PPP2R2C: variants seen among roughly 807,000 people sequenced by gnomAD.
The protein encoded by PPP2R2C is protein phosphatase 2 regulatory subunit Bgamma.
Under a neutral mutation model 45.3 loss-of-function variants are expected in PPP2R2C, and 10 were observed. That is an observed-to-expected ratio of 0.22 (90% CI 0.14 to 0.37). PPP2R2C has a LOEUF of 0.37. Ranked by LOEUF, PPP2R2C falls within the 10% of genes least tolerant of loss-of-function variation. The pLI is 1.00. For synonymous variants in PPP2R2C, 257 were observed against 245.4 expected, an observed-to-expected ratio of 1.05 and a Z score of -0.44; for missense variants, 308 against 619.7, an observed-to-expected ratio of 0.50 and a Z score of 5.34.
chr4:6,473,905 C>A (rs937724254), upstream of PPP2R2C, among the ~76,000 whole-genome samples: 1 of 152,188 alleles, frequency 6.6e-6, no homozygotes, highest in African/African-American at 2.4e-5. Flanking sequence ...GCCCCACCAG[C>A]ACTCTGCAGG....
rs967722967 is a variant in PPP2R2C at position 6,347,205 on chromosome 4, G to A, written c.790+641C>T. Among the ~76,000 whole-genome samples, 15 of 152,326 alleles carry A rather than the reference G, an allele frequency of 9.8e-5. No individual in the cohort carries two copies. The East Asian group carries it at 2.1e-3, about 22-fold the overall frequency. On this transcript the variant is annotated intron_variant, in intron 6 of 8. Transcript: ENST00000382599. ...TCTCCTGGGGCTTGTGTGAAGATTC[G>A]ATGAGTTCACAGGTAAAGCCCTTGG...
At chr4:6,495,415 A>G (rs753750586) in intron 2 of PPP2R2C, among the ~76,000 whole-genome samples, 2 of 152,242 alleles carry the variant, frequency 1.3e-5, no homozygotes, top group Non-Finnish European at 2.9e-5. Flanking sequence ...TGCCTGGCAC[A>G]GTACCTGGCA....
chr4:6,483,860 G>T (rs1020225637), intron 2 of PPP2R2C, among the ~76,000 whole-genome samples: 29 of 152,060 alleles, frequency 1.9e-4, no homozygotes, highest in African/African-American at 7.0e-4. Flanking sequence ...CTAACTGAAG[G>T]TCACAAAGGT....
At chr4:6,549,435 G>C (rs1725106769) in intron 1 of PPP2R2C, among the ~76,000 whole-genome samples, 1 of 152,188 alleles carries the variant, frequency 6.6e-6, no homozygotes, top group Non-Finnish European at 1.5e-5. Context: ...TTTTCAGCTG[G>C]GACCTGAATA....
chr4:6,538,354 G>A (rs981409935), intron 1 of PPP2R2C, among the ~76,000 whole-genome samples: 4 of 151,984 alleles, frequency 2.6e-5, no homozygotes, highest in Admixed American at 1.3e-4. Context: ...AGAGGTGCCC[G>A]CCGCCCATCT....
intron 2 of PPP2R2C, among the ~76,000 whole-genome samples, chr4:6,532,316 G>C (rs1724431354): frequency 6.6e-6 from 1 of 152,238 alleles, no homozygotes. Flanking sequence ...AGCAAAGTCA[G>C]AGCTGGAGAG....
In PPP2R2C at chr4:6,351,228, C is replaced by T. The variant is rs889103205; in HGVS notation, c.626-3218G>A. The T allele has an allele frequency of 2.7e-5, 13 of 479,058 alleles. No individual in the cohort carries two copies. The Admixed American group carries it at 5.8e-4, about 21-fold the overall frequency. The allele number at this position is 479,058 out of a possible 1,614,324, so 29.7% of individuals were successfully genotyped here. On this transcript the variant is annotated intron_variant, in intron 5 of 8. Coordinates refer to ENST00000382599, the MANE Select transcript of PPP2R2C (RefSeq NM_020416.4). ...ACTTGGGAGGCTGAGGCAGGAGAATCGCTTGACTGGGGAGGCAGAGGTTGC... is the reference window on the plus strand; with the variant it reads ...ACTTGGGAGGCTGAGGCAGGAGAATTGCTTGACTGGGGAGGCAGAGGTTGC...
chr4:6,472,969 C>T (rs1721995773), upstream of PPP2R2C, among the ~76,000 whole-genome samples: 1 of 151,742 alleles, frequency 6.6e-6, no homozygotes, highest in South Asian at 2.1e-4. Context: ...GGAGTGGGGT[C>T]GCAGTTGAAG....
chr4:6,498,759 C>A (rs1291911244), intron 2 of PPP2R2C, among the ~76,000 whole-genome samples: 2 of 152,108 alleles, frequency 1.3e-5, no homozygotes, highest in African/African-American at 2.4e-5. Flanking sequence ...AGGGCCTGCA[C>A]GGGGACATGA....
At chr4:6,508,916 C>T (rs1317502993) in intron 2 of PPP2R2C, among the ~76,000 whole-genome samples, 1 of 152,170 alleles carries the variant, frequency 6.6e-6, no homozygotes, top group Non-Finnish European at 1.5e-5. Flanking sequence ...TATAAAACCC[C>T]AAGTCATAGG....
At chr4:6,509,460 C>A (rs1221315170) in intron 2 of PPP2R2C, among the ~76,000 whole-genome samples, 6 of 150,030 alleles carry the variant, frequency 4.0e-5, no homozygotes, top group Non-Finnish European at 8.9e-5. Flanking sequence ...TGAAAAAAAT[C>A]AATTGAGCCT....
At chr4:6,549,719 CG>C (rs1725117097) in intron 1 of PPP2R2C, among the ~76,000 whole-genome samples, 1 of 152,228 alleles carries the variant, frequency 6.6e-6, no homozygotes, top group South Asian at 2.1e-4. Context: ...ACCTGCAGCA[CG>C]GGCAGTAGCT....
In PPP2R2C at chr4:6,368,773, C is replaced by T. The variant is rs1041578807; in HGVS notation, c.625+3750G>A. Among the ~76,000 whole-genome samples, 6 of 152,166 alleles carry T rather than the reference C, an allele frequency of 3.9e-5. No homozygotes were observed. The highest frequency in any genetic ancestry group is 7.3e-5 in the Non-Finnish European group (5 of 68,032). ...TGCCTCTCACTCTCTCTCCCCGGGTCTCCTTGCTGGTTCCCAAGCCGCCAG... is the reference window on the plus strand; with the variant it reads ...TGCCTCTCACTCTCTCTCCCCGGGTTTCCTTGCTGGTTCCCAAGCCGCCAG... On this transcript the variant is annotated intron_variant, in intron 5 of 8. Transcript: ENST00000382599. This position sits in a 1 kb window ranked among gnomAD's most constrained non-coding sequence, Gnocchi z 4.2.
At chr4:6,413,772 G>C in intron 1 of PPP2R2C, 1 of 1,199,624 alleles carries the variant, frequency 8.3e-7, no homozygotes, top group South Asian at 1.5e-5. Flanking sequence ...GGGTCACTGA[G>C]ACTCTGAGAA....
At chr4:6,498,042 A>G (rs1207802816) in intron 2 of PPP2R2C, among the ~76,000 whole-genome samples, 1 of 152,242 alleles carries the variant, frequency 6.6e-6, no homozygotes, top group East Asian at 1.9e-4. Context: ...GCTGACGTGC[A>G]CACCCAAACC....
chr4:6,493,259 C>A (rs1722766387), intron 2 of PPP2R2C, among the ~76,000 whole-genome samples: 1 of 152,026 alleles, frequency 6.6e-6, no homozygotes, highest in Non-Finnish European at 1.5e-5. Context: ...ACACACACCC[C>A]TCCTGGTCCC....
At chr4:6,351,180 G>A (rs1712518623) in intron 5 of PPP2R2C, 1 of 494,342 alleles carries the variant, frequency 2.0e-6, no homozygotes, top group African/African-American at 2.1e-5. Context: ...CAGGCGTGGT[G>A]GCACATGCCT....
intron 2 of PPP2R2C, among the ~76,000 whole-genome samples, chr4:6,527,806 C>T (rs1432848318): frequency 6.6e-6 from 1 of 152,182 alleles, no homozygotes; most frequent in African/African-American, 2.4e-5. Flanking sequence ...ACAGGCCACC[C>T]CTGAGCAATG....
Position 6,331,279 on chromosome 4 carries a change from C to G in PPP2R2C, c.961-1926G>C, listed in dbSNP as rs184580689. 2.6e-5 allele frequency among the ~76,000 whole-genome samples: 4 copies of G among 152,092 alleles called. No homozygotes were observed. The highest frequency in any genetic ancestry group is 3.9e-4 in the East Asian group (2 of 5,182). Reference sequence around the variant, plus strand: ...GGAGAAAGACTGTCAATCTAAGGTCCGCTGCTTGCTGGCTCTGTCACAGAT... The same window carrying G: ...GGAGAAAGACTGTCAATCTAAGGTCGGCTGCTTGCTGGCTCTGTCACAGAT... On this transcript the variant is annotated intron_variant, in intron 7 of 8. Transcript: ENST00000382599. The surrounding 1 kb of genome is among the most constrained non-coding windows in gnomAD (Gnocchi z 5.9).
Sources: allele counts gnomAD v4.1 joint callset (sites outside exome capture counted in the v4.1 genomes callset), GRCh38; gene constraint gnomAD v4.1.1; non-coding constraint Gnocchi (gnomAD v3.1); transcripts MANE v1.5; gene names NCBI Gene and HGNC (gene_info 2026-07-23, HGNC 2026-07-21).